NALCN: variants seen among roughly 807,000 people sequenced by gnomAD.
NALCN encodes sodium leak channel, non-selective, also known as sodium leak channel NALCN.
A neutral mutation model predicts 225.3 loss-of-function variants in NALCN; 111 were observed. The observed-to-expected ratio is 0.49, with a 90% CI of 0.42 to 0.58. The LOEUF is 0.58. NALCN is among the 20% of genes least tolerant of loss of function. NALCN has a pLI of 0.00. For synonymous variants in NALCN, 764 were observed against 769.0 expected, an observed-to-expected ratio of 0.99 and a Z score of 0.11; for missense variants, 1,378 against 2,202.4, an observed-to-expected ratio of 0.63 and a Z score of 7.49.
chr13:101,153,262 G>A (rs2037741009), intron 15 of NALCN, among the ~76,000 whole-genome samples: 1 of 152,104 alleles, frequency 6.6e-6, no homozygotes. Flanking sequence ...CCTGTAATTT[G>A]AATTACTCAA....
At chr13:101,266,140 A>G (rs1319441999) in intron 10 of NALCN, among the ~76,000 whole-genome samples, 1 of 152,168 alleles carries the variant, frequency 6.6e-6, no homozygotes, top group Non-Finnish European at 1.5e-5. Context: ...AAAATAAATG[A>G]GACTTCAGTG....
intron 18 of NALCN, among the ~76,000 whole-genome samples, chr13:101,114,589 C>T (rs930687935): frequency 1.3e-4 from 20 of 152,180 alleles, no homozygotes; most frequent in African/African-American, 3.6e-4. Context: ...TCACAGCTCA[C>T]GAGGAACTGA....
intron 17 of NALCN, 71 bp from the exon 18 acceptor site, chr13:101,124,752 A>C (rs773103836): frequency 1.7e-6 from 2 of 1,198,844 alleles, no homozygotes; most frequent in Non-Finnish European, 2.4e-6. Flanking sequence ...ATCATTCAAT[A>C]GATGACATTG....
At chr13:101,271,773 G>T (rs916309313) in intron 10 of NALCN, among the ~76,000 whole-genome samples, 1 of 151,686 alleles carries the variant, frequency 6.6e-6, no homozygotes, top group African/African-American at 2.4e-5. Context: ...GTGTATAAGC[G>T]TGTGTATGCA....
At chr13:101,372,128 G>A (rs377245498) in intron 6 of NALCN, among the ~76,000 whole-genome samples, 7 of 152,026 alleles carry the variant, frequency 4.6e-5, no homozygotes, top group Non-Finnish European at 7.4e-5. Context: ...AATTCATGAC[G>A]ATAAAAAGGT....
rs1478056654 is a variant in NALCN at position 101,089,798 on chromosome 13, A to G, written c.3391-37T>C. 1.9e-6 allele frequency: 3 copies of G among 1,613,838 alleles called. No individual in the cohort carries two copies. In the African/African-American group the frequency reaches 4.0e-5, roughly 22 times the overall value. Reference sequence around the variant, plus strand: ...AAAATATGGTTATTCATCAAAACAAATGAAAGCTGCTCTTGAAGTGTTCAA... The same window carrying G: ...AAAATATGGTTATTCATCAAAACAAGTGAAAGCTGCTCTTGAAGTGTTCAA... On this transcript the variant is annotated intron_variant, in intron 29 of 43. Transcript: ENST00000251127. This position sits in a 1 kb window ranked among gnomAD's most constrained non-coding sequence, Gnocchi z 4.7.
intron 15 of NALCN, 52 bp from the exon 16 acceptor site, chr13:101,144,948 T>C (rs745489350): frequency 4.6e-5 from 71 of 1,533,004 alleles, no homozygotes; most frequent in Admixed American, 6.7e-5. Flanking sequence ...AATACTATTA[T>C]ATACGTTACA....
intron 7 of NALCN, among the ~76,000 whole-genome samples, chr13:101,296,078 C>A (rs142802490): frequency 3.5e-4 from 54 of 152,284 alleles, no homozygotes; most frequent in African/African-American, 1.2e-3. Context: ...CAGCTCAGCT[C>A]CTCTGTGCCC....
At chr13:101,360,974 T>C (rs2046236199) in intron 6 of NALCN, among the ~76,000 whole-genome samples, 1 of 152,194 alleles carries the variant, frequency 6.6e-6, no homozygotes, top group Admixed American at 6.6e-5. Context: ...CTCTATAACA[T>C]ATCTTTTGGA....
At chr13:101,075,051 C>T (rs1171371046) in intron 35 of NALCN, among the ~76,000 whole-genome samples, 2 of 152,028 alleles carry the variant, frequency 1.3e-5, no homozygotes, top group African/African-American at 4.8e-5. Flanking sequence ...GTTTCTTCCA[C>T]AAACAGACTT....
At chr13:101,131,051 C>G (rs2036493037) in intron 17 of NALCN, among the ~76,000 whole-genome samples, 2 of 152,110 alleles carry the variant, frequency 1.3e-5, no homozygotes, top group Admixed American at 1.3e-4. Flanking sequence ...AAAATGCCCT[C>G]TTCTCCATTT....
At chr13:101,136,841 A>C (rs1238505780) in intron 17 of NALCN, among the ~76,000 whole-genome samples, 1 of 152,168 alleles carries the variant, frequency 6.6e-6, no homozygotes, top group East Asian at 1.9e-4. Flanking sequence ...GGCTGGGTCA[A>C]ATGTATTTCT....
chr13:101,410,293 T>C (rs941706665), intron 1 of NALCN, among the ~76,000 whole-genome samples: 1 of 152,204 alleles, frequency 6.6e-6, no homozygotes, highest in African/African-American at 2.4e-5. Context: ...CTCCCATCAC[T>C]GTTTCCAAAT....
chr13:101,111,136 G>A lies in NALCN; in HGVS notation c.2283C>T (p.Arg761=). 6.2e-7 allele frequency: 1 copy of A among 1,606,162 alleles called. No homozygotes were observed. Residue 761 remains arginine, a synonymous_variant, in exon 19 of 44, where the codon CGC becomes CGT. Coordinates refer to ENST00000251127, the MANE Select transcript of NALCN (RefSeq NM_052867.4). ...RSILSVQHHI[R]QERRSLRHGS... is the part of the protein sequence containing the mutation. ...TCCCAAGTATTTACCTGCGCTCTTGGCGGATATGATGCTGCACGCTGAGGA... is the reference window on the plus strand; with the variant it reads ...TCCCAAGTATTTACCTGCGCTCTTGACGGATATGATGCTGCACGCTGAGGA...
rs33925974 is a variant in NALCN at position 101,142,138 on chromosome 13, C to CTTTTTTTT, written c.2118+934_2118+941dup. Among the ~76,000 whole-genome samples the CTTTTTTTT allele has an allele frequency of 3.9e-4, 38 of 97,060 alleles. 2 individuals carry two copies. Among genetic ancestry groups the CTTTTTTTT allele is most frequent in the African/African-American group, 4.5e-4 (11 of 24,264 alleles). 63.7% of individuals were successfully genotyped at this position (97,060 alleles called of 152,430 possible). On this transcript the variant is annotated intron_variant, in intron 17 of 43. Transcript: ENST00000251127. ...TATACCTAGATAATACATTCTATGT[C>CTTTTTTTT]TTTTTTTTTTTTTTTTTTTTTGAGA...
In NALCN at chr13:101,073,658, C is replaced by T. The variant is rs1011292242; in HGVS notation, c.4123G>A (p.Ala1375Thr). 16 of 1,612,220 alleles carry T rather than the reference C, an allele frequency of 9.9e-6. No individual in the cohort carries two copies. Among genetic ancestry groups the T allele is most frequent in the South Asian group, 2.2e-5 (2 of 90,734 alleles). Residue 1375 changes from alanine to threonine, a missense_variant, in exon 37 of 44, where the codon GCT becomes ACT. Around this residue, in one of 19 missense-constraint regions of NALCN, gnomAD observed 76 missense variants for 118.7 expected, o/e 0.64. Transcript: ENST00000251127. ...NINRHANFSS[A>T]GKAITVLFRI... The stretch of plus-strand genomic sequence containing the variant: ...AACAGTACGGTAATAGCTTTTCCAG[C>T]CGAAGAAAAATTTGCATGCCTAATT...
chr13:101,262,197 C>T (rs945824893), intron 10 of NALCN, among the ~76,000 whole-genome samples: 4 of 152,102 alleles, frequency 2.6e-5, no homozygotes, highest in East Asian at 1.9e-4. Flanking sequence ...GGGATAAATC[C>T]GACTTGGTCA....
intron 10 of NALCN, among the ~76,000 whole-genome samples, chr13:101,260,392 G>A (rs2042386355): frequency 6.6e-6 from 1 of 152,218 alleles, no homozygotes; most frequent in Non-Finnish European, 1.5e-5. Flanking sequence ...ATGCCCAGCA[G>A]TGGGATTGCT....
intron 18 of NALCN, among the ~76,000 whole-genome samples, chr13:101,112,668 G>A (rs1445935824): frequency 1.3e-5 from 2 of 152,166 alleles, no homozygotes; most frequent in Non-Finnish European, 2.9e-5. Flanking sequence ...CAAATCTAAT[G>A]ATACTCTATT....
Sources: allele counts gnomAD v4.1 joint callset (sites outside exome capture counted in the v4.1 genomes callset), GRCh38; gene constraint gnomAD v4.1.1; regional missense constraint gnomAD v4.1.1; non-coding constraint Gnocchi (gnomAD v3.1); transcripts MANE v1.5; gene names NCBI Gene and HGNC (gene_info 2026-07-23, HGNC 2026-07-21).